The following PTPN13 variants were observed in gnomAD, a reference collection of about 807,000 sequenced individuals.
The protein encoded by PTPN13 is tyrosine-protein phosphatase non-receptor type 13.
PTPN13 carries 191 observed loss-of-function variants against 284.0 expected under a neutral mutation model. That is an observed-to-expected ratio of 0.67 (90% CI 0.60 to 0.76). The LOEUF is 0.76. Among genes scored for constraint, PTPN13 ranks in the 30% least tolerant of loss-of-function variants. The pLI is 0.00. For missense variants in PTPN13, 2,797 were observed against 2,939.9 expected (o/e 0.95, Z 1.12); for synonymous variants, 986 against 1,022.3 (o/e 0.96, Z 0.68).
intron 33 of PTPN13, 82 bp downstream of exon 33, chr4:86,774,613 T>C (rs1371451255): frequency 1.5e-6 from 2 of 1,320,136 alleles, no homozygotes; most frequent in African/African-American, 1.5e-5. Context: ...ATTATTGTAA[T>C]ACTGTATTTA....
At chr4:86,778,331 A>G (rs28481577) in intron 35 of PTPN13, among the ~76,000 whole-genome samples, 1,995 of 152,334 alleles carry the variant, frequency 0.013, 55 homozygotes, top group African/African-American at 0.046. Flanking sequence ...GGCAGAAGAC[A>G]TAAAACTCCT....
At position 86,686,707 on chromosome 4, in the gene PTPN13, T is replaced by TA. The variant is rs1246665518; in HGVS notation, c.295-2dup. 6.5e-7 allele frequency: 1 copy of TA among 1,541,568 alleles called. No homozygotes were observed. Among genetic ancestry groups the TA allele is most frequent in the Non-Finnish European group, 8.8e-7 (1 of 1,135,726 alleles). Reference sequence around the variant, plus strand: ...AATTATTTCTTAAAAATTCTATTCCTAGATCCACATTTATTCTCTTGGAAT... The same window carrying TA: ...AATTATTTCTTAAAAATTCTATTCCTAAGATCCACATTTATTCTCTTGGAAT... On this transcript the variant is annotated splice_polypyrimidine_tract_variant and splice_region_variant and intron_variant, in intron 3 of 47. Transcript: ENST00000411767.
intron 2 of PTPN13, among the ~76,000 whole-genome samples, chr4:86,647,961 T>C (rs1412432206): frequency 1.3e-5 from 2 of 152,124 alleles, no homozygotes; most frequent in African/African-American, 2.4e-5. Flanking sequence ...TACTTTGTTA[T>C]AGCAGCCCCC....
chr4:86,798,045 T>G (rs183589773), intron 41 of PTPN13, among the ~76,000 whole-genome samples: 5 of 152,286 alleles, frequency 3.3e-5, no homozygotes, highest in African/African-American at 1.2e-4. Context: ...TCCTGCAAAT[T>G]TAACCATATC....
At chr4:86,643,488 G>T (rs1389812749) in intron 2 of PTPN13, among the ~76,000 whole-genome samples, 2 of 152,072 alleles carry the variant, frequency 1.3e-5, no homozygotes, top group East Asian at 3.9e-4. Flanking sequence ...CTAAAAATTA[G>T]AATTTATAGA....
chr4:86,718,682 G>A (rs763736563), intron 9 of PTPN13, among the ~76,000 whole-genome samples: 1 of 151,928 alleles, frequency 6.6e-6, no homozygotes, highest in Admixed American at 6.6e-5. Flanking sequence ...AACTCCTGAC[G>A]TCAAGTTATC....
At chr4:86,689,474 T>C (rs1729796018) in intron 5 of PTPN13, 2 of 573,322 alleles carry the variant, frequency 3.5e-6, no homozygotes, top group Non-Finnish European at 6.1e-6. Context: ...TCTTAGATCT[T>C]TTCCCAAGGA....
chr4:86,673,277 T>C (rs1260221399), intron 3 of PTPN13, among the ~76,000 whole-genome samples: 1 of 152,198 alleles, frequency 6.6e-6, no homozygotes, highest in East Asian at 1.9e-4. Context: ...ATGTACAAGA[T>C]GAGCAATTAA....
At chr4:86,634,563 A>T (rs1454992113) in intron 1 of PTPN13, among the ~76,000 whole-genome samples, 1 of 152,164 alleles carries the variant, frequency 6.6e-6, no homozygotes, top group Non-Finnish European at 1.5e-5. Flanking sequence ...GCATGTTCAC[A>T]AGCATAGCCA....
chr4:86,781,949 A>G (rs1741352632), intron 36 of PTPN13, among the ~76,000 whole-genome samples: 1 of 150,960 alleles, frequency 6.6e-6, no homozygotes, highest in Non-Finnish European at 1.5e-5. Context: ...GCAACAGAGC[A>G]TGACTCTGTC....
At chr4:86,638,456 G>C (rs1369181014) in intron 2 of PTPN13, among the ~76,000 whole-genome samples, 2 of 152,156 alleles carry the variant, frequency 1.3e-5, no homozygotes, top group Non-Finnish European at 2.9e-5. Context: ...AACCAAAACA[G>C]CATGGTACTG....
intron 2 of PTPN13, among the ~76,000 whole-genome samples, chr4:86,654,206 A>C (rs7668637): frequency 0.013 from 1,924 of 152,302 alleles, 38 homozygotes; most frequent in African/African-American, 0.045. Flanking sequence ...ACACAAAAAA[A>C]CCCTTCAAAA....
chr4:86,751,859 T>C (rs1737421942), intron 19 of PTPN13, among the ~76,000 whole-genome samples: 1 of 152,118 alleles, frequency 6.6e-6, no homozygotes, highest in Admixed American at 6.5e-5. Flanking sequence ...AGTTTTTAAG[T>C]TGATTTCAGT....
intron 1 of PTPN13, among the ~76,000 whole-genome samples, chr4:86,616,948 G>A (rs1720617370): frequency 2.6e-5 from 4 of 152,128 alleles, no homozygotes; most frequent in South Asian, 4.1e-4. Context: ...GGACTGAAGG[G>A]GAGAGCGTGA....
intron 4 of PTPN13, among the ~76,000 whole-genome samples, 169 bp from the exon 5 acceptor site, chr4:86,688,836 A>G: frequency 6.6e-6 from 1 of 152,150 alleles, no homozygotes; most frequent in Non-Finnish European, 1.5e-5. Context: ...TATATTTTTA[A>G]AAAAGGTAAA....
chr4:86,605,087 A>G (rs937012303), intron 1 of PTPN13, among the ~76,000 whole-genome samples: 1 of 151,924 alleles, frequency 6.6e-6, no homozygotes, highest in Non-Finnish European at 1.5e-5. Flanking sequence ...TTCATGAGGG[A>G]AGTGTTTACA....
intron 15 of PTPN13, among the ~76,000 whole-genome samples, chr4:86,736,951 C>G (rs912569425): frequency 1.3e-5 from 2 of 152,200 alleles, no homozygotes; most frequent in South Asian, 2.1e-4. Flanking sequence ...ACACAACCTT[C>G]TAAGGCTACA....
At chr4:86,773,539 A>G (rs1740247796) in intron 32 of PTPN13, among the ~76,000 whole-genome samples, 1 of 152,194 alleles carries the variant, frequency 6.6e-6, no homozygotes, top group Admixed American at 6.5e-5. Context: ...TATCCTTTAC[A>G]TTGATTGAAA....
chr4:86,811,653 T>C (rs530021079), intron 47 of PTPN13, among the ~76,000 whole-genome samples: 1 of 152,306 alleles, frequency 6.6e-6, no homozygotes, highest in South Asian at 2.1e-4. Flanking sequence ...ACTGACACAA[T>C]GGCGTCCTTC....
Sources: gnomAD v4.1 joint callset for allele counts (sites outside exome capture counted in the v4.1 genomes callset) on GRCh38, gnomAD v4.1.1 for gene constraint, MANE v1.5 for transcripts, NCBI Gene and HGNC (gene_info 2026-07-23, HGNC 2026-07-21) for gene names.